SORCS2: variants seen among roughly 807,000 people sequenced by gnomAD.
SORCS2 encodes sortilin related VPS10 domain containing receptor 2.
SORCS2 carries 100 observed loss-of-function variants against 141.6 expected under a neutral mutation model. The ratio of observed to expected loss-of-function variants is 0.71; its 90% CI spans 0.60 to 0.83. The LOEUF is 0.83. Ranked by LOEUF, SORCS2 falls within the 40% of genes least tolerant of loss-of-function variation. SORCS2 has a pLI of 0.00. For synonymous variants in SORCS2, 789 were observed against 676.9 expected (o/e 1.17, Z -2.57); for missense variants, 1,646 against 1,560.2 (o/e 1.05, Z -0.93).
intron 3 of SORCS2, among the ~76,000 whole-genome samples, chr4:7,535,418 T>C (rs866693828): frequency 6.6e-6 from 1 of 152,148 alleles, no homozygotes; most frequent in African/African-American, 2.4e-5. Flanking sequence ...GGCTGGGGCA[T>C]AGGGGCCTGT....
chr4:7,455,429 G>T (rs1168096465), intron 2 of SORCS2, among the ~76,000 whole-genome samples: 2 of 125,862 alleles, frequency 1.6e-5, no homozygotes, highest in Admixed American at 7.9e-5. Flanking sequence ...TGGGGTCAGT[G>T]CTGTGTGTTG....
At chr4:7,490,326 C>T (rs1006935284) in intron 2 of SORCS2, among the ~76,000 whole-genome samples, 3 of 152,158 alleles carry the variant, frequency 2.0e-5, no homozygotes, top group Non-Finnish European at 4.4e-5. Context: ...AGCCTGCCTC[C>T]CTCTGCCAGG....
At chr4:7,386,158 C>T (rs564388648) in intron 1 of SORCS2, among the ~76,000 whole-genome samples, 40 of 150,014 alleles carry the variant, frequency 2.7e-4, no homozygotes, top group African/African-American at 9.1e-4. Context: ...TACAGGTACA[C>T]AGAGATACAC....
chr4:7,737,032 C>A, intron 25 of SORCS2, 37 bp from the exon 26 acceptor site: 6 of 1,548,980 alleles, frequency 3.9e-6, no homozygotes, highest in Non-Finnish European at 5.2e-6. Context: ...CCTGGGAAGC[C>A]CCTCCAAGCT....
rs1560262247 is a variant in SORCS2 at position 7,410,948 on chromosome 4, C to CGT, written c.548+14593_548+14594insGT. Among the ~76,000 whole-genome samples the CGT allele has an allele frequency of 1.1e-4, 10 of 94,596 alleles. No individual in the cohort carries two copies. In the Admixed American group the frequency reaches 1.3e-3, roughly 13 times the overall value. The allele number at this position is 94,596 out of a possible 152,430, so 62.1% of individuals were successfully genotyped here. A position where few individuals can be genotyped will look rare whatever the true frequency, so the allele number is the denominator to read the frequency against. On this transcript the variant is annotated intron_variant, in intron 2 of 26. Coordinates refer to ENST00000507866, the MANE Select transcript of SORCS2 (RefSeq NM_020777.3). The stretch of plus-strand genomic sequence containing the variant: ...GGGCCCAGCAGCCTCTTCTCTCCAT[C>CGT]CTTTTTTTTTTTTTTTTTTTTTTTT...
chr4:7,563,653 A>G (rs1354059745), intron 3 of SORCS2, among the ~76,000 whole-genome samples: 1 of 152,132 alleles, frequency 6.6e-6, no homozygotes, highest in Non-Finnish European at 1.5e-5. Context: ...ACATACCTCC[A>G]TTGATGGGAG....
chr4:7,436,062 G>C (rs778604943), intron 2 of SORCS2, among the ~76,000 whole-genome samples: 13 of 152,260 alleles, frequency 8.5e-5, no homozygotes, highest in Non-Finnish European at 1.8e-4. Flanking sequence ...CTCCTGCTGG[G>C]TACAGGGGTC....
In SORCS2 at chr4:7,211,765, C is replaced by T. The variant is rs1332463530; in HGVS notation, c.480+18639C>T. 2.0e-5 allele frequency among the ~76,000 whole-genome samples: 3 copies of T among 152,070 alleles called. No homozygotes were observed. In the East Asian group the frequency reaches 5.8e-4, roughly 29 times the overall value. ...GATGCAGGTGTGACAAGGTGGGGGC[C>T]CCTGTGAGAGGAGGGGTTGGGGGCT... On this transcript the variant is annotated intron_variant, in intron 1 of 26. Transcript: ENST00000507866.
chr4:7,477,387 TGGGGCTGA>T (rs1730369227), intron 2 of SORCS2, among the ~76,000 whole-genome samples: 2 of 139,784 alleles, frequency 1.4e-5, no homozygotes, highest in African/African-American at 2.6e-5. Flanking sequence ...CGTGGCTGAT[TGGGGCTGA>T]CATGGCTGAC....
intron 1 of SORCS2, among the ~76,000 whole-genome samples, chr4:7,220,760 T>A (rs1728655696): frequency 6.6e-6 from 1 of 152,142 alleles, no homozygotes. Context: ...GTGTGAAACA[T>A]GCCACTTTCC....
chr4:7,209,967 G>A (rs1011933491), intron 1 of SORCS2, among the ~76,000 whole-genome samples: 1 of 152,250 alleles, frequency 6.6e-6, no homozygotes, highest in African/African-American at 2.4e-5. Flanking sequence ...ACCGAGCATG[G>A]TCCATGTCCT....
At chr4:7,195,208 G>A (rs1446708620) in intron 1 of SORCS2, among the ~76,000 whole-genome samples, 2 of 151,382 alleles carry the variant, frequency 1.3e-5, no homozygotes, top group African/African-American at 2.4e-5. Flanking sequence ...TGTGGGGGGA[G>A]GATTGTGGGT....
intron 10 of SORCS2, among the ~76,000 whole-genome samples, chr4:7,684,095 T>A (rs1000088406): frequency 3.3e-4 from 50 of 152,140 alleles, no homozygotes; most frequent in African/African-American, 1.2e-3. Context: ...GGGGCTTCTC[T>A]CCTTGCATAC....
At chr4:7,522,299 C>T (rs1247313354) in intron 2 of SORCS2, among the ~76,000 whole-genome samples, 1 of 152,192 alleles carries the variant, frequency 6.6e-6, no homozygotes, top group East Asian at 1.9e-4. Context: ...AGGAAAATGG[C>T]TTCATTAAAT....
At chr4:7,283,052 C>G (rs1325141104) in intron 1 of SORCS2, among the ~76,000 whole-genome samples, 1 of 152,202 alleles carries the variant, frequency 6.6e-6, no homozygotes, top group Non-Finnish European at 1.5e-5. Flanking sequence ...TTCACTCATT[C>G]ATTCACCCAT....
chr4:7,640,251 A>T (rs558510469), intron 4 of SORCS2, among the ~76,000 whole-genome samples: 32 of 118,022 alleles, frequency 2.7e-4, no homozygotes, highest in Middle Eastern at 0.018. Flanking sequence ...AACCTATGTG[A>T]GTGTGTATGT....
intron 1 of SORCS2, among the ~76,000 whole-genome samples, chr4:7,338,376 G>A (rs1380811032): frequency 6.6e-6 from 1 of 151,586 alleles, no homozygotes; most frequent in Non-Finnish European, 1.5e-5. Context: ...ATGGATGGAT[G>A]GATGTCGGTT....
chr4:7,495,444 C>T (rs962011197), intron 2 of SORCS2, among the ~76,000 whole-genome samples: 1 of 152,242 alleles, frequency 6.6e-6, no homozygotes, highest in African/African-American at 2.4e-5. Flanking sequence ...CTTCTATGTT[C>T]TCTGGGCCTT....
At chr4:7,611,107 G>T (rs985297453) in intron 3 of SORCS2, among the ~76,000 whole-genome samples, 1 of 152,152 alleles carries the variant, frequency 6.6e-6, no homozygotes, top group Non-Finnish European at 1.5e-5. Context: ...CTACATGGGC[G>T]CCCACTGCAG....
Sources: allele counts gnomAD v4.1 joint callset (sites outside exome capture counted in the v4.1 genomes callset), GRCh38; gene constraint gnomAD v4.1.1; transcripts MANE v1.5; gene names NCBI Gene and HGNC (gene_info 2026-07-23, HGNC 2026-07-21).